SH3PXD2A: variants seen among roughly 807,000 people sequenced by gnomAD.
SH3PXD2A encodes SH3 and PX domains 2A, also known as SH3 and PX domain-containing protein 2A.
In SH3PXD2A, 32 loss-of-function variants were observed where a neutral mutation model predicts 115.2. The observed-to-expected ratio is 0.28, with a 90% CI of 0.21 to 0.37. The LOEUF is 0.37. Among genes scored for constraint, SH3PXD2A ranks in the 10% least tolerant of loss-of-function variants. The pLI is 1.00. For synonymous variants in SH3PXD2A, 610 were observed against 629.1 expected, an observed-to-expected ratio of 0.97 and a Z score of 0.45; for missense variants, 1,328 against 1,498.7, an observed-to-expected ratio of 0.89 and a Z score of 1.88.
At chr10:103,751,298 G>A (rs1047984185) in intron 3 of SH3PXD2A, among the ~76,000 whole-genome samples, 5 of 152,134 alleles carry the variant, frequency 3.3e-5, no homozygotes, top group East Asian at 1.9e-4. Context: ...ACCAGGTAAC[G>A]CTGTAGGCAC....
chr10:103,693,100 G>A lies in SH3PXD2A; in HGVS notation c.399-44C>T, dbSNP rs201823324. The A allele has an allele frequency of 6.3e-6, 10 of 1,593,460 alleles. No individual in the cohort carries two copies. The Admixed American group carries it at 1.2e-4, about 19-fold the overall frequency. On this transcript the variant is annotated intron_variant, in intron 5 of 14. Transcript: ENST00000369774. ...CAGATAGACATGGTTAGGGCCGGGCGCGAGCGCGGGGCTGCAGCTGCAGGG... is the reference window on the plus strand; with the variant it reads ...CAGATAGACATGGTTAGGGCCGGGCACGAGCGCGGGGCTGCAGCTGCAGGG...
intron 5 of SH3PXD2A, among the ~76,000 whole-genome samples, chr10:103,712,037 C>A (rs1413385888): frequency 2.0e-5 from 3 of 150,820 alleles, no homozygotes; most frequent in Non-Finnish European, 4.4e-5. Context: ...TGGAGAGAAA[C>A]CCTGTCTCAA....
chr10:103,670,123 C>T (rs1028435334), intron 6 of SH3PXD2A, among the ~76,000 whole-genome samples: 1 of 152,172 alleles, frequency 6.6e-6, no homozygotes, highest in African/African-American at 2.4e-5. Context: ...CTCAGCAAGC[C>T]ACCTTCCAAT....
intron 3 of SH3PXD2A, among the ~76,000 whole-genome samples, chr10:103,738,408 C>T (rs962788375): frequency 2.0e-5 from 3 of 152,192 alleles, no homozygotes; most frequent in Non-Finnish European, 2.9e-5. Flanking sequence ...GACCTGAGCT[C>T]AGGACTGCCA....
At chr10:103,816,997 A>ATTTTTTTTTTTTTTTTTTTTTTTTTTTTT (rs56260224) in intron 1 of SH3PXD2A, among the ~76,000 whole-genome samples, 1 of 99,606 alleles carries the variant, frequency 1.0e-5, no homozygotes, top group African/African-American at 3.8e-5. Context: ...CACCCGGCTA[A>ATTTTTTTTTTTTTTTTTTTTTTTTTTTTT]TTTTTTTTTT....
At position 103,604,051 on chromosome 10, in the gene SH3PXD2A, C is replaced by T. The variant is rs761025589; in HGVS notation, c.1429-262G>A. Among the ~76,000 whole-genome samples the T allele has an allele frequency of 1.1e-4, 17 of 152,148 alleles. No homozygotes were observed. The South Asian group carries it at 1.2e-3, about 11-fold the overall frequency. ...GATCCTCCATGTCTGTGTTAACAGC[C>T]GGGTTGAGCTGGCCCACTCTGCCTC... is the stretch of plus-strand genomic sequence containing the variant. On this transcript the variant is annotated intron_variant, in intron 14 of 14. Transcript: ENST00000369774.
chr10:103,692,951 T>G, intron 6 of SH3PXD2A, 77 bp downstream of exon 6: 5 of 1,157,262 alleles, frequency 4.3e-6, no homozygotes, highest in Admixed American at 1.8e-5. Flanking sequence ...CCCCAAGAAG[T>G]CCTCTGCAGG....
chr10:103,602,764 G>A lies in SH3PXD2A; in HGVS notation c.2454C>T (p.Ser818=). The change falls in exon 15 of 15, where the codon AGC becomes AGT. Residue 818 remains serine, a synonymous_variant. Transcript: ENST00000369774. ...SEAPSEGSRR[S]SSDLITLPAT... ...CTGGGAGGGTGATGAGGTCGGATGA[G>A]CTTCTCCTAGACCCCTCACTGGGAG... 6.2e-7 allele frequency: 1 copy of A among 1,614,084 alleles called. No individual in the cohort carries two copies. The highest frequency in any genetic ancestry group is 8.5e-7 in the Non-Finnish European group (1 of 1,179,986).
intron 4 of SH3PXD2A, among the ~76,000 whole-genome samples, chr10:103,728,893 G>T (rs2863997): frequency 0.25 from 35,019 of 138,264 alleles, 5,239 homozygotes; most frequent in African/African-American, 0.39. Flanking sequence ...TTGTTTGTTT[G>T]TTTGTTTTTT....
chr10:103,633,612 C>T (rs2036817810), intron 8 of SH3PXD2A, among the ~76,000 whole-genome samples: 1 of 150,754 alleles, frequency 6.6e-6, no homozygotes, highest in Non-Finnish European at 1.5e-5. Context: ...CCTGTAATCC[C>T]AGCTACTTGG....
chr10:103,606,016 G>T, intron 13 of SH3PXD2A, 99 bp from the exon 14 acceptor site: 4 of 1,267,672 alleles, frequency 3.2e-6, no homozygotes, highest in Non-Finnish European at 4.4e-6. Context: ...GGTGCGGATG[G>T]CCGTTTACAC....
At chr10:103,824,512 C>T (rs553537683) in intron 1 of SH3PXD2A, among the ~76,000 whole-genome samples, 23 of 152,158 alleles carry the variant, frequency 1.5e-4, no homozygotes, top group Non-Finnish European at 2.8e-4. Flanking sequence ...CTACTTCCTG[C>T]TAATGCCCGC....
chr10:103,814,313 C>G (rs78729238), intron 1 of SH3PXD2A, among the ~76,000 whole-genome samples: 3 of 152,162 alleles, frequency 2.0e-5, no homozygotes, highest in African/African-American at 7.2e-5. Context: ...CAGCCCTTCT[C>G]GGCTCCAGGA....
At chr10:103,621,791 A>G (rs941932836) in intron 10 of SH3PXD2A, among the ~76,000 whole-genome samples, 3 of 152,164 alleles carry the variant, frequency 2.0e-5, no homozygotes, top group African/African-American at 7.2e-5. Context: ...ACCCACAAAC[A>G]TCTGATCAGC....
chr10:103,807,149 G>T (rs1253666519), intron 1 of SH3PXD2A, among the ~76,000 whole-genome samples: 3 of 152,222 alleles, frequency 2.0e-5, no homozygotes, highest in Non-Finnish European at 4.4e-5. Flanking sequence ...CACTGAGAAT[G>T]AAGCCTAGCC....
chr10:103,703,544 C>T (rs912036207), intron 5 of SH3PXD2A, among the ~76,000 whole-genome samples: 2 of 152,178 alleles, frequency 1.3e-5, no homozygotes, highest in Admixed American at 6.5e-5. Flanking sequence ...CTGATTTTGA[C>T]CCCCAATAGC....
At chr10:103,810,954 A>G (rs550355712) in intron 1 of SH3PXD2A, among the ~76,000 whole-genome samples, 266 of 93,546 alleles carry the variant, frequency 2.8e-3, no homozygotes, top group African/African-American at 9.2e-3. Context: ...GCGCGCGCGC[A>G]CACACACACA....
chr10:103,708,124 C>T (rs1303198824), intron 5 of SH3PXD2A, among the ~76,000 whole-genome samples: 2 of 152,218 alleles, frequency 1.3e-5, no homozygotes. Flanking sequence ...GTACCCTGAT[C>T]TGGCTCTTCT....
rs1006405713 is a variant in SH3PXD2A, at chr10:103,625,749, G to C, written c.718+1340C>G. ...TCTACTAAAAACAAAAATTAGCCAGGCGTAGTGGTAGGTGCCTGTAATCCC... is the reference window on the plus strand; with the variant it reads ...TCTACTAAAAACAAAAATTAGCCAGCCGTAGTGGTAGGTGCCTGTAATCCC... On this transcript the variant is annotated intron_variant, in intron 9 of 14. Transcript: ENST00000369774. 1.0e-3 allele frequency among the ~76,000 whole-genome samples: 155 copies of C among 152,312 alleles called. 1 individual carries two copies. Among genetic ancestry groups the C allele is most frequent in the African/African-American group, 3.3e-3 (136 of 41,568 alleles).
Sources: gnomAD v4.1 joint callset for allele counts (sites outside exome capture counted in the v4.1 genomes callset) on GRCh38, gnomAD v4.1.1 for gene constraint, MANE v1.5 for transcripts, NCBI Gene and HGNC (gene_info 2026-07-23, HGNC 2026-07-21) for gene names.